Variants in SGCD observed in about 807,000 individuals in gnomAD.
SGCD encodes sarcoglycan delta.
SGCD carries 18 observed loss-of-function variants against 36.6 expected under a neutral mutation model. The observed-to-expected ratio is 0.49, with a 90% CI of 0.34 to 0.73. The LOEUF (loss-of-function observed/expected upper bound fraction) is 0.73. Among genes scored for constraint, SGCD ranks in the 30% least tolerant of loss-of-function variants. The pLI is 0.01. For missense variants in SGCD, 387 were observed against 346.7 expected, an observed-to-expected ratio of 1.12 and a Z score of -0.92; for synonymous variants, 133 against 130.6, an observed-to-expected ratio of 1.02 and a Z score of -0.12.
intron 1 of SGCD, among the ~76,000 whole-genome samples, chr5:155,911,969 T>C (rs1159764372): frequency 6.6e-6 from 1 of 152,054 alleles, no homozygotes; most frequent in African/African-American, 2.4e-5. Context: ...CTTCACCACA[T>C]TGCCCACTCT....
intron 7 of SGCD, among the ~76,000 whole-genome samples, chr5:156,733,197 T>G (rs1394948718): frequency 2.0e-5 from 3 of 152,172 alleles, no homozygotes; most frequent in African/African-American, 7.2e-5. Flanking sequence ...CATTTAGCGC[T>G]ATCAATTTCC....
chr5:156,536,957 G>T (rs528136861), intron 4 of SGCD, among the ~76,000 whole-genome samples: 1 of 152,256 alleles, frequency 6.6e-6, no homozygotes, highest in Non-Finnish European at 1.5e-5. Context: ...AGTAATGGAG[G>T]ATGAGGCAGT....
chr5:156,129,644 CT>C (rs1208464292), intron 3 of SGCD, among the ~76,000 whole-genome samples: 1 of 152,204 alleles, frequency 6.6e-6, no homozygotes, highest in Non-Finnish European at 1.5e-5. Context: ...TCCCTCAACT[CT>C]CCACCCTCAA....
chr5:155,978,791 A>G (rs1758171850), intron 1 of SGCD, among the ~76,000 whole-genome samples: 1 of 152,136 alleles, frequency 6.6e-6, no homozygotes, highest in Non-Finnish European at 1.5e-5. Context: ...ATTTCTTCCA[A>G]AAGAATGCAG....
intron 3 of SGCD, among the ~76,000 whole-genome samples, chr5:156,368,546 C>G (rs1395283155): frequency 6.6e-6 from 1 of 152,148 alleles, no homozygotes; most frequent in Non-Finnish European, 1.5e-5. Flanking sequence ...GCTTCTGTAG[C>G]TTCATTTTTT....
intron 3 of SGCD, among the ~76,000 whole-genome samples, chr5:156,207,418 G>T (rs911859014): frequency 7.9e-5 from 12 of 152,070 alleles, no homozygotes; most frequent in Non-Finnish European, 1.6e-4. Flanking sequence ...TAGGCTAGTT[G>T]ATCTCTAATG....
At chr5:156,006,554 G>A (rs1001274747) in intron 1 of SGCD, among the ~76,000 whole-genome samples, 1 of 152,056 alleles carries the variant, frequency 6.6e-6, no homozygotes, top group Non-Finnish European at 1.5e-5. Flanking sequence ...ATAGCTGAGA[G>A]CCGGAAAATA....
At chr5:155,896,976 G>A (rs1756277568) in intron 1 of SGCD, among the ~76,000 whole-genome samples, 1 of 152,160 alleles carries the variant, frequency 6.6e-6, no homozygotes, top group Non-Finnish European at 1.5e-5. Flanking sequence ...CCACTTATTG[G>A]CATTCAGGTA....
the SGCD span, among the ~76,000 whole-genome samples, chr5:155,822,369 C>G: frequency 2.6e-5 from 4 of 152,190 alleles, no homozygotes; most frequent in Admixed American, 2.6e-4. Flanking sequence ...GCCCCTACTG[C>G]CCTCTCCTGG....
At chr5:155,817,866 A>T in the SGCD span, among the ~76,000 whole-genome samples, 1 of 152,232 alleles carries the variant, frequency 6.6e-6, no homozygotes, top group Non-Finnish European at 1.5e-5. Flanking sequence ...GAACATTAAC[A>T]TTGTTTTACA....
intron 3 of SGCD, among the ~76,000 whole-genome samples, chr5:156,284,575 ATC>A (rs1766544050): frequency 2.6e-5 from 4 of 152,114 alleles, no homozygotes; most frequent in Non-Finnish European, 4.4e-5. Flanking sequence ...CAAAAACCAT[ATC>A]ATTATCTCAA....
At chr5:156,532,661 CCA>C (rs1454077237) in intron 4 of SGCD, among the ~76,000 whole-genome samples, 1 of 152,068 alleles carries the variant, frequency 6.6e-6, no homozygotes, top group East Asian at 1.9e-4. Flanking sequence ...CAGGGTTTTA[CCA>C]CGTTAGCCAG....
intron 3 of SGCD, among the ~76,000 whole-genome samples, chr5:156,289,335 G>A (rs891359494): frequency 7.2e-5 from 11 of 151,814 alleles, no homozygotes; most frequent in African/African-American, 2.4e-4. Flanking sequence ...CGGGATACAC[G>A]TGCAGAATGT....
intron 7 of SGCD, among the ~76,000 whole-genome samples, chr5:156,718,448 G>C (rs1755325589): frequency 6.6e-6 from 1 of 151,998 alleles, no homozygotes; most frequent in African/African-American, 2.4e-5. Context: ...TGGAAAAGGT[G>C]TTTCTTCTCA....
At chr5:156,459,463 T>A (rs932254885) in intron 3 of SGCD, among the ~76,000 whole-genome samples, 8 of 152,194 alleles carry the variant, frequency 5.3e-5, no homozygotes, top group African/African-American at 1.9e-4. Context: ...TGGCAACTAT[T>A]TCCCATTTTG....
intron 1 of SGCD, among the ~76,000 whole-genome samples, chr5:155,942,709 C>G (rs1192269915): frequency 6.6e-6 from 1 of 151,984 alleles, no homozygotes; most frequent in African/African-American, 2.4e-5. Context: ...AGGAACAGAA[C>G]ACAGATAGAA....
intron 3 of SGCD, among the ~76,000 whole-genome samples, chr5:156,459,618 A>G (rs1012176090): frequency 6.6e-6 from 1 of 152,188 alleles, no homozygotes; most frequent in Non-Finnish European, 1.5e-5. Context: ...AATATTTATT[A>G]GCGCTTTGAT....
intron 3 of SGCD, among the ~76,000 whole-genome samples, chr5:156,146,542 G>T (rs1762713354): frequency 6.6e-6 from 1 of 152,094 alleles, no homozygotes. Context: ...CAAGACAAAG[G>T]TTTAGACATA....
chr5:156,609,654 C>T (rs943949768), intron 6 of SGCD, among the ~76,000 whole-genome samples: 2 of 152,194 alleles, frequency 1.3e-5, no homozygotes, highest in Non-Finnish European at 2.9e-5. Context: ...CAACTTGGTT[C>T]CATTCTCCCC....
Sources: gnomAD v4.1 joint callset for allele counts (sites outside exome capture counted in the v4.1 genomes callset) on GRCh38, gnomAD v4.1.1 for gene constraint, MANE v1.5 for transcripts, NCBI Gene and HGNC (gene_info 2026-07-23, HGNC 2026-07-21) for gene names.